Variants in GSAP observed in about 807,000 individuals in gnomAD.
GSAP encodes gamma-secretase activating protein.
Under a neutral mutation model 131.7 loss-of-function variants are expected in GSAP, and 118 were observed. That is an observed-to-expected ratio of 0.90 (90% CI 0.77 to 1.04). GSAP has a LOEUF of 1.04. Among genes scored for constraint, GSAP ranks in the 50% least tolerant of loss-of-function variants. The probability of loss-of-function intolerance (pLI) is 0.00; values close to 1 mark genes in which losing one functional copy is unlikely to be tolerated. For synonymous variants in GSAP, 381 were observed against 363.4 expected (o/e 1.05, Z -0.55); for missense variants, 1,019 against 1,013.2 (o/e 1.01, Z -0.08).
chr7:77,328,576 C>T (rs1477150009), intron 22 of GSAP, 30 bp downstream of exon 22: 9 of 1,602,444 alleles, frequency 5.6e-6, no homozygotes, highest in African/African-American at 1.3e-5. Flanking sequence ...GACTGGAACC[C>T]AGAAGGCTTT....
At chr7:77,345,576 A>C (rs928588861) in intron 19 of GSAP, among the ~76,000 whole-genome samples, 3 of 152,188 alleles carry the variant, frequency 2.0e-5, no homozygotes, top group Non-Finnish European at 4.4e-5. Context: ...GCCTTAACTG[A>C]TGACATTCCA....
At chr7:77,343,665 CCTT>C (rs1177670768) in intron 19 of GSAP, among the ~76,000 whole-genome samples, 1 of 152,174 alleles carries the variant, frequency 6.6e-6, no homozygotes, top group Admixed American at 6.5e-5. Context: ...CAGTTTTTCT[CCTT>C]CTCATCGGTC....
At position 77,351,358 on chromosome 7, in the gene GSAP, A is replaced by C. The variant is rs901769842; in HGVS notation, c.1491+1586T>G. The C allele has an allele frequency of 3.1e-6, 3 of 956,682 alleles. No individual in the cohort carries two copies. In the East Asian group the frequency reaches 3.4e-4, roughly 109 times the overall value. 59.3% of individuals were successfully genotyped at this position (956,682 alleles called of 1,614,324 possible). ...CATTTTCTATTATCTTAAAAAATCC[A>C]AGTCAGTTGTCTCCTACAAAAATGT... is the stretch of plus-strand genomic sequence containing the variant. On this transcript the variant is annotated intron_variant, in intron 18 of 30. Transcript: ENST00000257626.
chr7:77,402,584 ACT>A (rs1159099882), intron 3 of GSAP, among the ~76,000 whole-genome samples: 6 of 111,336 alleles, frequency 5.4e-5, no homozygotes, highest in Non-Finnish European at 1.0e-4. Flanking sequence ...ATAGAGTGAG[ACT>A]CTGTCTCAAA....
chr7:77,411,776 T>C (rs894295267), intron 1 of GSAP, among the ~76,000 whole-genome samples: 1 of 151,988 alleles, frequency 6.6e-6, no homozygotes, highest in Non-Finnish European at 1.5e-5. Flanking sequence ...CAAAAATATA[T>C]ATATGAAAAA....
chr7:77,312,133 C>T lies in GSAP; in HGVS notation c.2341G>A (p.Val781Met), dbSNP rs1269365173. The part of the protein sequence containing the change: ...MSSNIISRNH[V>M]TRLLQNYKKQ... Reference sequence around the variant, plus strand: ...TTATAGTTCTGAAGCAGTCGCGTCACGTGGTTCCGCGAAATGATGTTAGAA... The same window carrying T: ...TTATAGTTCTGAAGCAGTCGCGTCATGTGGTTCCGCGAAATGATGTTAGAA... Residue 781 changes from valine to methionine, a missense_variant, in exon 29 of 31, where the codon GTG becomes ATG. Val to Met is a conservative substitution (Grantham distance 21, BLOSUM62 1). Transcript: ENST00000257626. 5.6e-6 allele frequency: 9 copies of T among 1,602,754 alleles called. No homozygotes were observed. The highest frequency in any genetic ancestry group is 1.3e-5 in the African/African-American group (1 of 74,210).
At chr7:77,399,123 A>T (rs1045106972) in intron 3 of GSAP, among the ~76,000 whole-genome samples, 5 of 152,220 alleles carry the variant, frequency 3.3e-5, no homozygotes, top group African/African-American at 9.6e-5. Context: ...ATTTGTGCAG[A>T]TATTTCTGTA....
At chr7:77,412,400 C>A (rs1197837598) in intron 1 of GSAP, among the ~76,000 whole-genome samples, 1 of 151,922 alleles carries the variant, frequency 6.6e-6, no homozygotes, top group Non-Finnish European at 1.5e-5. Flanking sequence ...GTGAAAAAGT[C>A]ATAAAGCTTC....
intron 19 of GSAP, among the ~76,000 whole-genome samples, chr7:77,342,012 C>T (rs568861476): frequency 6.6e-6 from 1 of 152,330 alleles, no homozygotes; most frequent in South Asian, 2.1e-4. Flanking sequence ...ATGCCCACAG[C>T]CTGGGATACC....
At position 77,375,098 on chromosome 7, in the gene GSAP, C is replaced by CA. The variant is rs752490067; in HGVS notation, c.744dup (p.Glu249Ter). 25 of 1,556,710 alleles carry CA rather than the reference C, an allele frequency of 1.6e-5. No individual in the cohort carries two copies. The highest frequency in any genetic ancestry group is 2.0e-5 in the Non-Finnish European group (23 of 1,135,672). ...CTTAATGATATGTCCAAGGGTACTT[C>CA]AAACTGTCAAAAAAATCAAAGAAAA... is the stretch of plus-strand genomic sequence containing the variant. On this transcript the variant is annotated frameshift_variant, in exon 11 of 31. Transcript: ENST00000257626. LOFTEE classifies it high-confidence loss of function.
rs752427275 is a variant in GSAP, at chr7:77,416,340, G to C, written c.-19C>G. On this transcript the variant is annotated 5_prime_UTR_variant, in exon 1 of 31. Coordinates refer to ENST00000257626, the MANE Select transcript of GSAP (RefSeq NM_017439.4). ...GAGCCATCGCCCGGACACGACCACCGGGCGGCTCTGGGGCCCCGCACCGCG... is the reference window on the plus strand; with the variant it reads ...GAGCCATCGCCCGGACACGACCACCCGGCGGCTCTGGGGCCCCGCACCGCG... The C allele has an allele frequency of 1.0e-4, 147 of 1,433,504 alleles. No individual in the cohort carries two copies. In the South Asian group the frequency reaches 1.7e-3, roughly 17 times the overall value. The allele number at this position is 1,433,504 out of a possible 1,614,324, so 88.8% of individuals were successfully genotyped here.
At chr7:77,376,424 C>T (rs1026386402) in intron 10 of GSAP, among the ~76,000 whole-genome samples, 1 of 152,166 alleles carries the variant, frequency 6.6e-6, no homozygotes, top group Non-Finnish European at 1.5e-5. Context: ...ATACGAGTAA[C>T]TAACACAACC....
chr7:77,395,136 T>C (rs1462909192), intron 5 of GSAP, among the ~76,000 whole-genome samples: 2 of 151,966 alleles, frequency 1.3e-5, no homozygotes, highest in Non-Finnish European at 2.9e-5. Flanking sequence ...AGGACTACTG[T>C]TCTGTGTGAC....
intron 6 of GSAP, among the ~76,000 whole-genome samples, chr7:77,386,911 G>T (rs188554880): frequency 4.4e-4 from 67 of 152,280 alleles, no homozygotes; most frequent in Admixed American, 6.5e-4. Context: ...TAAATTTTAG[G>T]AGCAGCAGAA....
chr7:77,381,151 T>C (rs373795154), intron 8 of GSAP, among the ~76,000 whole-genome samples, 154 bp downstream of exon 8: 14 of 152,294 alleles, frequency 9.2e-5, no homozygotes, highest in African/African-American at 3.4e-4. Flanking sequence ...CATATTTGTA[T>C]CATTTCACAC....
intron 1 of GSAP, among the ~76,000 whole-genome samples, chr7:77,412,627 T>G (rs1451680102): frequency 6.6e-6 from 1 of 151,492 alleles, no homozygotes; most frequent in East Asian, 1.9e-4. Flanking sequence ...CCCAAAAACA[T>G]AACCCCTAAA....
chr7:77,310,785 T>A lies in GSAP; in HGVS notation c.*573A>T, dbSNP rs1794272564. The A allele has an allele frequency of 6.6e-6, 1 of 152,062 alleles. No homozygotes were observed. 9.4% of individuals were successfully genotyped at this position (152,062 alleles called of 1,614,324 possible). A position where few individuals can be genotyped will look rare whatever the true frequency, so the allele number is the denominator to read the frequency against. On this transcript the variant is annotated 3_prime_UTR_variant, in exon 31 of 31. Transcript: ENST00000257626. Reference sequence around the variant, plus strand: ...AGGTTTTTTAATGACTGACAAAATATTCCTAAATCAACCTTTTATAAATAA... The same window carrying A: ...AGGTTTTTTAATGACTGACAAAATAATCCTAAATCAACCTTTTATAAATAA...
chr7:77,328,711 T>C (rs775537443), intron 21 of GSAP, 74 bp from the exon 22 acceptor site: 1 of 870,754 alleles, frequency 1.1e-6, no homozygotes, highest in Non-Finnish European at 1.9e-6. Flanking sequence ...CATACAAAGA[T>C]ATCCTCCTTT....
chr7:77,401,653 G>A (rs979958769), intron 3 of GSAP, among the ~76,000 whole-genome samples: 17 of 152,160 alleles, frequency 1.1e-4, no homozygotes, highest in African/African-American at 3.6e-4. Flanking sequence ...ACATCAGAAA[G>A]AACCATGGAA....
Sources: allele counts gnomAD v4.1 joint callset (sites outside exome capture counted in the v4.1 genomes callset), GRCh38; gene constraint gnomAD v4.1.1; transcripts MANE v1.5; gene names NCBI Gene and HGNC (gene_info 2026-07-23, HGNC 2026-07-21).